The following LRRC37A2 variants were observed in gnomAD, a reference collection of about 807,000 sequenced individuals.
LRRC37A2 encodes the protein leucine-rich repeat-containing protein 37A2.
In LRRC37A2, 9 loss-of-function variants were observed where a neutral mutation model predicts 68.8. That is an observed-to-expected ratio of 0.13 (90% CI 0.08 to 0.23). LRRC37A2 has a LOEUF of 0.23. Among genes scored for constraint, LRRC37A2 ranks in the 10% least tolerant of loss-of-function variants. LRRC37A2 has a pLI of 1.00. For synonymous variants in LRRC37A2, 63 were observed against 367.6 expected (o/e 0.17, Z 9.48); for missense variants, 168 against 950.4 (o/e 0.18, Z 10.82).
intron 12 of LRRC37A2, chr17:46,554,327 T>G: frequency 1.1e-5 from 1 of 92,118 alleles, no homozygotes; most frequent in Non-Finnish European, 1.8e-5. Context: ...CTTGGGAGGC[T>G]GAGGCAGGAG....
chr17:46,864,361 C>G, the LRRC37A2 span, among the ~76,000 whole-genome samples: 1 of 152,358 alleles, frequency 6.6e-6, no homozygotes, highest in South Asian at 2.1e-4. Context: ...CTTCTCTTCA[C>G]ATACCAGGCC....
At chr17:46,942,725 T>C in the LRRC37A2 span, among the ~76,000 whole-genome samples, 1 of 152,220 alleles carries the variant, frequency 6.6e-6, no homozygotes, top group Admixed American at 6.5e-5. Flanking sequence ...CATAGCCCTA[T>C]CTGTGGCTAG....
the LRRC37A2 span, among the ~76,000 whole-genome samples, chr17:46,842,216 C>T: frequency 5.3e-5 from 8 of 152,154 alleles, no homozygotes; most frequent in Non-Finnish European, 1.0e-4. Context: ...TTTCTTCAGG[C>T]GCAAACTGGG....
At chr17:46,695,340 T>C in the LRRC37A2 span, among the ~76,000 whole-genome samples, 1 of 115,570 alleles carries the variant, frequency 8.7e-6, no homozygotes, top group African/African-American at 3.6e-5. Context: ...ATATATTGAA[T>C]AGTTGATGTG....
the LRRC37A2 span, among the ~76,000 whole-genome samples, chr17:46,777,813 C>A: frequency 6.6e-6 from 1 of 152,226 alleles, no homozygotes; most frequent in African/African-American, 2.4e-5. Context: ...CTGAGTTTGT[C>A]TGACTCCCAG....
the LRRC37A2 span, among the ~76,000 whole-genome samples, chr17:46,636,035 T>C: frequency 1.8e-5 from 1 of 57,092 alleles, no homozygotes; most frequent in Admixed American, 1.7e-4. Context: ...AAGTATACTT[T>C]TTGAGCTGAT....
At chr17:46,944,622 T>TTTC in the LRRC37A2 span, among the ~76,000 whole-genome samples, 1 of 151,786 alleles carries the variant, frequency 6.6e-6, no homozygotes, top group African/African-American at 2.4e-5. Context: ...TTTTTTTTTT[T>TTTC]TTCCTCTCAT....
chr17:46,697,163 C>G, the LRRC37A2 span, among the ~76,000 whole-genome samples: 1 of 147,688 alleles, frequency 6.8e-6, no homozygotes, highest in Non-Finnish European at 1.5e-5. Context: ...CCATAGTACC[C>G]CAGATAGATC....
At chr17:46,872,290 A>T in the LRRC37A2 span, among the ~76,000 whole-genome samples, 1 of 152,220 alleles carries the variant, frequency 6.6e-6, no homozygotes, top group Non-Finnish European at 1.5e-5. Context: ...TAGGGTGGAT[A>T]AGAAGAGCAG....
At position 46,516,213 on chromosome 17, in the gene LRRC37A2, G is replaced by T. The variant is rs1041882355; in HGVS notation, c.2609+892G>T. On this transcript the variant is annotated intron_variant, in intron 2 of 14. Coordinates refer to ENST00000576629, the Ensembl canonical transcript of LRRC37A2. The stretch of plus-strand genomic sequence containing the variant: ...AGCTACTCGGGAGGCTGAGGCAGGA[G>T]AATGGCATGAACCTGGGAGGCAGAG... Among the ~76,000 whole-genome samples, 12 of 144,554 alleles carry T rather than the reference G, an allele frequency of 8.3e-5. 1 individual carries two copies. The highest frequency in any genetic ancestry group is 3.0e-4 in the African/African-American group (12 of 39,420). 94.8% of individuals were successfully genotyped at this position (144,554 alleles called of 152,430 possible).
the LRRC37A2 span, among the ~76,000 whole-genome samples, chr17:46,738,775 C>T: frequency 4.6e-5 from 7 of 152,254 alleles, no homozygotes; most frequent in African/African-American, 1.7e-4. Context: ...GGCAGGCAAC[C>T]ACCAGGATTC....
the LRRC37A2 span, among the ~76,000 whole-genome samples, chr17:46,642,510 C>G: frequency 7.5e-6 from 1 of 134,160 alleles, no homozygotes; most frequent in South Asian, 2.3e-4. Flanking sequence ...TTTTTGTCCT[C>G]TTGAGAATTT....
chr17:46,928,808 T>C, the LRRC37A2 span, among the ~76,000 whole-genome samples: 6 of 152,200 alleles, frequency 3.9e-5, no homozygotes, highest in Admixed American at 2.0e-4. Flanking sequence ...AATTTTTGCA[T>C]ATCATTTTCT....
chr17:46,925,207 A>G, the LRRC37A2 span, among the ~76,000 whole-genome samples: 7 of 152,178 alleles, frequency 4.6e-5, no homozygotes, highest in African/African-American at 1.2e-4. Flanking sequence ...CTGCTGTTAT[A>G]TTGGGAAAAC....
At chr17:46,935,722 C>G in the LRRC37A2 span, 547 of 988,858 alleles carry the variant, frequency 5.5e-4, 3 homozygotes, top group African/African-American at 8.4e-3. Context: ...ACTCTTCACT[C>G]CCTAGCCTTA....
the LRRC37A2 span, among the ~76,000 whole-genome samples, chr17:46,827,147 G>A: frequency 1.3e-5 from 2 of 152,072 alleles, no homozygotes; most frequent in East Asian, 1.9e-4. Context: ...ACTGCTGGTG[G>A]TCCCTTCCTC....
chr17:46,716,261 C>T, the LRRC37A2 span, among the ~76,000 whole-genome samples: 1 of 143,766 alleles, frequency 7.0e-6, no homozygotes. Context: ...CTTGCCCCTC[C>T]TTTTTTTTTT....
At chr17:46,949,856 G>A in the LRRC37A2 span, among the ~76,000 whole-genome samples, 1 of 152,190 alleles carries the variant, frequency 6.6e-6, no homozygotes, top group African/African-American at 2.4e-5. Flanking sequence ...TGGAGCTCAG[G>A]CTTCAGGTTC....
the LRRC37A2 span, among the ~76,000 whole-genome samples, chr17:46,829,189 CAG>C: frequency 4.6e-5 from 7 of 151,516 alleles, no homozygotes. Context: ...TTTTTTTAGA[CAG>C]AGTTTCACTC....
Sources: gnomAD v4.1 joint callset for allele counts (sites outside exome capture counted in the v4.1 genomes callset) on GRCh38, gnomAD v4.1.1 for gene constraint, MANE v1.5 for transcripts, NCBI Gene and HGNC (gene_info 2026-07-23, HGNC 2026-07-21) for gene names.